The following PRXL2B variants were observed in gnomAD, a reference collection of about 807,000 sequenced individuals.
PRXL2B encodes the protein peroxiredoxin like 2B, also known as prostamide/prostaglandin F synthase.
A neutral mutation model predicts 24.4 loss-of-function variants in PRXL2B; 26 were observed. The observed-to-expected ratio is 1.07, with a 90% CI of 0.78 to 1.48. The LOEUF (loss-of-function observed/expected upper bound fraction) is 1.48. PRXL2B is among the 40% of genes most tolerant of loss of function. The pLI is 0.00. For synonymous variants in PRXL2B, 115 were observed against 118.9 expected (o/e 0.97, Z 0.21); for missense variants, 269 against 264.8 (o/e 1.02, Z -0.11).
At chr1:2,588,809 G>T (rs1644596869) in intron 5 of PRXL2B, 113 bp from the exon 6 acceptor site, 3 of 1,237,366 alleles carry the variant, frequency 2.4e-6, no homozygotes, top group Non-Finnish European at 3.5e-6. Context: ...CATCTGGGTA[G>T]CCGGGTGGGG....
Position 2,589,033 on chromosome 1 carries a change from C to A in PRXL2B, c.572C>A (p.Pro191Gln). 1 of 1,612,798 alleles carries A rather than the reference C, an allele frequency of 6.2e-7. No individual in the cohort carries two copies. Among genetic ancestry groups the A allele is most frequent in the African/African-American group, 1.3e-5 (1 of 75,062 alleles). The change falls in exon 6 of 7, where the codon CCG (proline) becomes CAG (glutamine). Residue 191 changes from proline (P) to glutamine (Q), a missense_variant. Physicochemically the swap from Pro to Gln is moderately conservative, Grantham distance 76 (BLOSUM62 -1). Coordinates refer to ENST00000419916, the MANE Select transcript of PRXL2B (RefSeq NM_152371.5). ...TCTGCGGAGGTCTGTGCCAGCGACCCGCCTCAGGTGAGCTGGGCCTTGGGG... is the reference window on the plus strand; with the variant it reads ...TCTGCGGAGGTCTGTGCCAGCGACCAGCCTCAGGTGAGCTGGGCCTTGGGG... ...GISAEVCASD[P>Q]PQCDREV
chr1:2,591,440 C>T lies in PRXL2B; in HGVS notation c.*2013C>T. 1.2e-6 allele frequency: 1 copy of T among 843,608 alleles called. No individual in the cohort carries two copies. Among genetic ancestry groups the T allele is most frequent in the South Asian group, 1.4e-5 (1 of 70,808 alleles). 52.3% of individuals were successfully genotyped at this position (843,608 alleles called of 1,614,324 possible). ...GCCAGAAGCCCCTCTCAGGTTTATTCCCAAAATAAACCTGTCTCTGTTGAG... is the reference window on the plus strand; with the variant it reads ...GCCAGAAGCCCCTCTCAGGTTTATTTCCAAAATAAACCTGTCTCTGTTGAG... On this transcript the variant is annotated 3_prime_UTR_variant, in exon 7 of 7. Transcript: ENST00000419916.
chr1:2,587,880 C>T lies in PRXL2B; in HGVS notation c.320+88C>T. The stretch of plus-strand genomic sequence containing the variant: ...CCTGCCACCTCCTCTCCCTGCTGCC[C>T]TCTGTGGTGCTGTCCACTCGGGCCT... On this transcript the variant is annotated intron_variant, in intron 3 of 6. Transcript: ENST00000419916. This position sits in a 1 kb window ranked among gnomAD's most constrained non-coding sequence, Gnocchi z 6.1. The T allele has an allele frequency of 6.9e-7, 1 of 1,443,018 alleles. No homozygotes were observed. 89.4% of individuals were successfully genotyped at this position (1,443,018 alleles called of 1,614,324 possible).
Position 2,588,975 on chromosome 1 carries a change from C to A in PRXL2B, c.514C>A (p.Pro172Thr), listed in dbSNP as rs1644604254. 12 of 1,613,346 alleles carry A rather than the reference C, an allele frequency of 7.4e-6. No individual in the cohort carries two copies. Among genetic ancestry groups the A allele is most frequent in the Non-Finnish European group, 1.0e-5 (12 of 1,179,996 alleles). ...FVQKSPGDYVPKEHILQVLGI... is the reference protein window; with the variant it reads ...FVQKSPGDYVTKEHILQVLGI... ...CCAGAAGTCCCCAGGCGACTACGTC[C>A]CCAAGGAGCACATCCTGCAGGTCCT... The change falls in exon 6 of 7, where the codon CCC becomes ACC. Residue 172 changes from proline to threonine, a missense_variant. Pro to Thr is a conservative substitution (Grantham distance 38, BLOSUM62 -1). Coordinates refer to ENST00000419916, the MANE Select transcript of PRXL2B (RefSeq NM_152371.5).
chr1:2,587,709 T>C lies in PRXL2B; in HGVS notation c.269-32T>C, dbSNP rs1319154784. The C allele has an allele frequency of 6.3e-6, 10 of 1,584,538 alleles. No individual in the cohort carries two copies. The highest frequency in any genetic ancestry group is 7.7e-6 in the Non-Finnish European group (9 of 1,165,200). ...GTGGGTTGGGGGCTGGTTCTGCGCC[T>C]GGGGCACACACATGTGGCTTCCGCT... On this transcript the variant is annotated intron_variant, in intron 2 of 6. Transcript: ENST00000419916. This position sits in a 1 kb window ranked among gnomAD's most constrained non-coding sequence, Gnocchi z 6.1.
intron 6 of PRXL2B, 76 bp from the exon 7 acceptor site, chr1:2,589,334 A>G (rs1644618362): frequency 1.3e-6 from 2 of 1,572,892 alleles, no homozygotes; most frequent in African/African-American, 1.4e-5. Flanking sequence ...AGGGCTGGGG[A>G]TTGTCCAAGG....
Position 2,588,454 on chromosome 1 carries a change from G to A in PRXL2B, c.384+1G>A. 1 of 1,614,186 alleles carries A rather than the reference G, an allele frequency of 6.2e-7. No homozygotes were observed. Among genetic ancestry groups the A allele is most frequent in the Non-Finnish European group, 8.5e-7 (1 of 1,180,022 alleles). ...GCCCGTGCGTGATGTGGCTGCCAAG[G>A]TGTGTGCGGGTCAAGGGTGTACAGG... is the stretch of plus-strand genomic sequence containing the variant. On this transcript the variant is annotated splice_donor_variant, in intron 4 of 6. Coordinates refer to ENST00000419916, the MANE Select transcript of PRXL2B (RefSeq NM_152371.5). LOFTEE classifies it high-confidence loss of function.
rs1644528509 is a variant in PRXL2B, at chr1:2,586,844, A to T, written c.-42A>T. The T allele has an allele frequency of 7.8e-7, 1 of 1,282,242 alleles. No homozygotes were observed. Among genetic ancestry groups the T allele is most frequent in the African/African-American group, 1.5e-5 (1 of 64,948 alleles). The allele number at this position is 1,282,242 out of a possible 1,614,324, so 79.4% of individuals were successfully genotyped here. On this transcript the variant is annotated 5_prime_UTR_variant, in exon 1 of 7. Coordinates refer to ENST00000419916, the MANE Select transcript of PRXL2B (RefSeq NM_152371.5). The stretch of plus-strand genomic sequence containing the variant: ...GAGCGAGGAGCCGGGAGCGGGGAAC[A>T]GGGAGTCGGGGAGCCGGGAACCAGG...
chr1:2,587,638 C>T lies in PRXL2B; in HGVS notation c.269-103C>T. ...GGGTGGGCTGAGCACGGAGGGTGGG[C>T]AGAGGAACAGAGGGTCGGAAGGAGG... is the stretch of plus-strand genomic sequence containing the variant. On this transcript the variant is annotated intron_variant, in intron 2 of 6. Coordinates refer to ENST00000419916, the MANE Select transcript of PRXL2B (RefSeq NM_152371.5). The surrounding 1 kb of genome is among the most constrained non-coding windows in gnomAD (Gnocchi z 6.1). 2 of 1,354,794 alleles carry T rather than the reference C, an allele frequency of 1.5e-6. No individual in the cohort carries two copies. The highest frequency in any genetic ancestry group is 2.5e-5 in the South Asian group (2 of 80,044). The allele number at this position is 1,354,794 out of a possible 1,614,324, so 83.9% of individuals were successfully genotyped here.
At position 2,589,635 on chromosome 1, in the gene PRXL2B, C is replaced by T. The variant is rs368836765; in HGVS notation, c.*208C>T. 56 of 669,990 alleles carry T rather than the reference C, an allele frequency of 8.4e-5. 1 individual carries two copies. In the South Asian group the frequency reaches 9.4e-4, roughly 11 times the overall value. 41.5% of individuals were successfully genotyped at this position (669,990 alleles called of 1,614,324 possible). On this transcript the variant is annotated 3_prime_UTR_variant, in exon 7 of 7. Coordinates refer to ENST00000419916, the MANE Select transcript of PRXL2B (RefSeq NM_152371.5). ...CGAGCCCTGCATCCTCCACAGCCCC[C>T]GCCTTGCTCACTGTTGGGCCCTCAG...
Position 2,587,830 on chromosome 1 carries a change from G to A in PRXL2B, c.320+38G>A, listed in dbSNP as rs1644565627. 1.3e-6 allele frequency: 2 copies of A among 1,564,536 alleles called. No individual in the cohort carries two copies. The highest frequency in any genetic ancestry group is 1.7e-6 in the Non-Finnish European group (2 of 1,153,346). ...GGGAACCCTTGGGTAGCGTGGGGTG[G>A]GGGGCCCAGGGGTTCCCACCGCTCC... On this transcript the variant is annotated intron_variant, in intron 3 of 6. Coordinates refer to ENST00000419916, the MANE Select transcript of PRXL2B (RefSeq NM_152371.5). This position sits in a 1 kb window ranked among gnomAD's most constrained non-coding sequence, Gnocchi z 6.1.
upstream of PRXL2B, chr1:2,586,690 C>A (rs1346238859): frequency 1.4e-5 from 17 of 1,197,860 alleles, no homozygotes; most frequent in Non-Finnish European, 1.8e-5. Flanking sequence ...CTGCGGCCAT[C>A]TTGGGGGCGG....
rs1487639963 is a variant in PRXL2B, at chr1:2,590,498, C to T, written c.*1071C>T. 2.6e-5 allele frequency: 4 copies of T among 153,436 alleles called. No individual in the cohort carries two copies. The highest frequency in any genetic ancestry group is 9.6e-5 in the African/African-American group (4 of 41,476). The allele number at this position is 153,436 out of a possible 1,614,324, so 9.5% of individuals were successfully genotyped here. A position where few individuals can be genotyped will look rare whatever the true frequency, so the allele number is the denominator to read the frequency against. Reference sequence around the variant, plus strand: ...TCACTGCTGGCCCTAGCATTGGACCCTAGGAGACCTGACTGGAACTGGCTC... The same window carrying T: ...TCACTGCTGGCCCTAGCATTGGACCTTAGGAGACCTGACTGGAACTGGCTC... On this transcript the variant is annotated 3_prime_UTR_variant, in exon 7 of 7. Transcript: ENST00000419916.
Position 2,590,501 on chromosome 1 carries a change from G to A in PRXL2B, c.*1074G>A, listed in dbSNP as rs1570631823. 1 of 153,636 alleles carries A rather than the reference G, an allele frequency of 6.5e-6. No individual in the cohort carries two copies. The highest frequency in any genetic ancestry group is 2.4e-5 in the African/African-American group (1 of 41,590). 9.5% of individuals were successfully genotyped at this position (153,636 alleles called of 1,614,324 possible). A position where few individuals can be genotyped will look rare whatever the true frequency, so the allele number is the denominator to read the frequency against. On this transcript the variant is annotated 3_prime_UTR_variant, in exon 7 of 7. Coordinates refer to ENST00000419916, the MANE Select transcript of PRXL2B (RefSeq NM_152371.5). The stretch of plus-strand genomic sequence containing the variant: ...CTGCTGGCCCTAGCATTGGACCCTA[G>A]GAGACCTGACTGGAACTGGCTCCCT...
rs780215273 is a variant in PRXL2B at position 2,589,413 on chromosome 1, G to A, written c.583G>A (p.Asp195Asn). The A allele has an allele frequency of 6.2e-7, 1 of 1,613,698 alleles. No individual in the cohort carries two copies. Among genetic ancestry groups the A allele is most frequent in the South Asian group, 1.1e-5 (1 of 91,080 alleles). ...EVCASDPPQC[D>N]REV ...TGGGACCCTGCTGTCCCCACAGTGT[G>A]ACAGAGAGGTGTGAGGGAGGCGAAG... The change falls in exon 7 of 7, where the codon GAC becomes AAC. Residue 195 changes from aspartate (D) to asparagine (N), a missense_variant. Asp to Asn is a conservative substitution (Grantham distance 23). Coordinates refer to ENST00000419916, the MANE Select transcript of PRXL2B (RefSeq NM_152371.5).
Position 2,588,556 on chromosome 1 carries a change from G to C in PRXL2B, c.391G>C (p.Ala131Pro). Reference sequence around the variant, plus strand: ...CTGTACCCACTCCTGACAGGCCAAGGCTGTTGGCATCCAGGGGAACTTGTC... The same window carrying C: ...CTGTACCCACTCCTGACAGGCCAAGCCTGTTGGCATCCAGGGGAACTTGTC... ...PVRDVAAKAKAVGIQGNLSGD... is the reference protein window; with the variant it reads ...PVRDVAAKAKPVGIQGNLSGD... Residue 131 changes from alanine to proline, a missense_variant, in exon 5 of 7, where the codon GCT becomes CCT. Ala to Pro is a conservative substitution (Grantham distance 27). Coordinates refer to ENST00000419916, the MANE Select transcript of PRXL2B (RefSeq NM_152371.5). 1 of 1,614,160 alleles carries C rather than the reference G, an allele frequency of 6.2e-7. No individual in the cohort carries two copies. The highest frequency in any genetic ancestry group is 8.5e-7 in the Non-Finnish European group (1 of 1,180,018).
At chr1:2,586,636 C>T (rs770866227), upstream of PRXL2B, 34 of 872,462 alleles carry the variant, frequency 3.9e-5, no homozygotes, top group Non-Finnish European at 5.1e-5. Context: ...TCCGAGGGGG[C>T]GGAGCAGGGC....
upstream of PRXL2B, chr1:2,586,529 G>A (rs1374490250): frequency 1.1e-5 from 4 of 366,046 alleles, no homozygotes; most frequent in African/African-American, 6.3e-5. Context: ...GATTGAGGAG[G>A]CGGGAGGGAC....
chr1:2,588,518 G>A, intron 4 of PRXL2B, 32 bp from the exon 5 acceptor site: 1 of 1,613,956 alleles, frequency 6.2e-7, no homozygotes, highest in Non-Finnish European at 8.5e-7. Flanking sequence ...CTTTCTTCTA[G>A]GATTGACTCA....
Sources: gnomAD v4.1 joint callset for allele counts on GRCh38, gnomAD v4.1.1 for gene constraint, Gnocchi (gnomAD v3.1) non-coding constraint, MANE v1.5 for transcripts, NCBI Gene and HGNC (gene_info 2026-07-23, HGNC 2026-07-21) for gene names.